XPNPEP1: variants seen among roughly 807,000 people sequenced by gnomAD.
XPNPEP1 encodes X-prolyl aminopeptidase 1.
In XPNPEP1, 39 loss-of-function variants were observed where a neutral mutation model predicts 92.4. The ratio of observed to expected loss-of-function variants is 0.42; its 90% CI spans 0.33 to 0.55. XPNPEP1 has a LOEUF of 0.55. Among genes scored for constraint, XPNPEP1 ranks in the 20% least tolerant of loss-of-function variants. XPNPEP1 has a pLI of 0.08. For synonymous variants in XPNPEP1, 307 were observed against 299.4 expected, an observed-to-expected ratio of 1.03 and a Z score of -0.26; for missense variants, 654 against 856.1, an observed-to-expected ratio of 0.76 and a Z score of 2.95.
chr10:109,913,413 T>A (rs1178233146), intron 2 of XPNPEP1, among the ~76,000 whole-genome samples: 1 of 152,256 alleles, frequency 6.6e-6, no homozygotes, highest in Non-Finnish European at 1.5e-5. Context: ...GGGGCCAGTT[T>A]ACTCCAATTT....
intron 4 of XPNPEP1, 71 bp from the exon 5 acceptor site, chr10:109,891,897 C>G: frequency 6.7e-7 from 1 of 1,497,736 alleles, no homozygotes; most frequent in East Asian, 2.3e-5. Context: ...CACAAAATGA[C>G]AGTAGACAGG....
intron 15 of XPNPEP1, among the ~76,000 whole-genome samples, chr10:109,874,716 G>A (rs1020975531): frequency 5.9e-5 from 9 of 152,206 alleles, no homozygotes; most frequent in African/African-American, 9.6e-5. Context: ...TTGGGAGGCC[G>A]AGACCGGCGG....
At chr10:109,865,415 G>A (rs1847082911) in intron 20 of XPNPEP1, 103 bp from the exon 21 acceptor site, 2 of 1,479,720 alleles carry the variant, frequency 1.4e-6, no homozygotes, top group African/African-American at 2.8e-5. Context: ...ATCACAAGCT[G>A]AGAGAAAAGG....
intron 5 of XPNPEP1, among the ~76,000 whole-genome samples, chr10:109,889,925 T>A (rs1404222609): frequency 6.6e-6 from 1 of 151,994 alleles, no homozygotes; most frequent in Non-Finnish European, 1.5e-5. Context: ...TTCTTTCCTA[T>A]TTTTTTTCAA....
Position 109,920,463 on chromosome 10 carries a change from C to T in XPNPEP1, c.32+2939G>A, listed in dbSNP as rs117954146. The stretch of plus-strand genomic sequence containing the variant: ...CAGATTCTCACCGAATTTCCCATTA[C>T]TTCATACGTAAGTTTCTAAGATGGT... On this transcript the variant is annotated intron_variant, in intron 1 of 20. Transcript: ENST00000502935. Among the ~76,000 whole-genome samples the T allele has an allele frequency of 2.6e-4, 40 of 152,328 alleles. No individual in the cohort carries two copies. In the East Asian group the frequency reaches 7.7e-3, roughly 29 times the overall value.
chr10:109,883,366 T>C (rs1192662021), intron 9 of XPNPEP1, among the ~76,000 whole-genome samples: 3 of 152,046 alleles, frequency 2.0e-5, no homozygotes, highest in Non-Finnish European at 4.4e-5. Flanking sequence ...TACTCTCTGC[T>C]TCAAAATATT....
At chr10:109,919,828 T>TA (rs1267710507) in intron 1 of XPNPEP1, among the ~76,000 whole-genome samples, 1 of 152,124 alleles carries the variant, frequency 6.6e-6, no homozygotes, top group East Asian at 1.9e-4. Context: ...GGTCAAGAGA[T>TA]AGAGACCATC....
At chr10:109,902,958 T>C (rs1228788217) in intron 3 of XPNPEP1, among the ~76,000 whole-genome samples, 1 of 152,188 alleles carries the variant, frequency 6.6e-6, no homozygotes, top group African/African-American at 2.4e-5. Flanking sequence ...GCTTCGGGTG[T>C]AATAGGCCAC....
intron 5 of XPNPEP1, among the ~76,000 whole-genome samples, chr10:109,889,070 G>A (rs1848563493): frequency 6.6e-6 from 1 of 152,216 alleles, no homozygotes; most frequent in Non-Finnish European, 1.5e-5. Flanking sequence ...ATCTGCAAGG[G>A]CAGGGTGGCC....
intron 3 of XPNPEP1, 87 bp from the exon 4 acceptor site, chr10:109,893,162 G>T: frequency 7.6e-7 from 1 of 1,308,958 alleles, no homozygotes; most frequent in East Asian, 2.4e-5. Context: ...AGGCTCAGCG[G>T]GGACTATGAA....
chr10:109,877,717 A>G, intron 14 of XPNPEP1, 73 bp downstream of exon 14: 1 of 1,580,960 alleles, frequency 6.3e-7, no homozygotes, highest in Non-Finnish European at 8.7e-7. Context: ...CTGGTAAAAT[A>G]ATGTCTCTCC....
chr10:109,913,089 A>AT (rs1849969969), intron 2 of XPNPEP1, among the ~76,000 whole-genome samples: 1 of 152,266 alleles, frequency 6.6e-6, no homozygotes, highest in Non-Finnish European at 1.5e-5. Context: ...ACGATGAAAC[A>AT]TTAGCCCATA....
chr10:109,921,142 T>A (rs1447031933), intron 1 of XPNPEP1, among the ~76,000 whole-genome samples: 1 of 152,188 alleles, frequency 6.6e-6, no homozygotes, highest in African/African-American at 2.4e-5. Context: ...AAGTTCTCTG[T>A]CAAAGCACAA....
chr10:109,920,540 G>A (rs1488605621), intron 1 of XPNPEP1, among the ~76,000 whole-genome samples: 2 of 152,042 alleles, frequency 1.3e-5, no homozygotes, highest in East Asian at 3.9e-4. Flanking sequence ...GAGGTGGAAG[G>A]TTATCATTTT....
chr10:109,883,397 C>T (rs1396366522), intron 9 of XPNPEP1, among the ~76,000 whole-genome samples: 1 of 152,116 alleles, frequency 6.6e-6, no homozygotes, highest in South Asian at 2.1e-4. Context: ...AGAGTCTGCT[C>T]TGATCTCCAA....
intron 5 of XPNPEP1, among the ~76,000 whole-genome samples, chr10:109,890,581 TGTGTGTGTGTGTGAGAGAGA>T (rs1365390473): frequency 1.2e-4 from 11 of 91,220 alleles, no homozygotes; most frequent in Admixed American, 4.1e-4. Context: ...TGTGTGTGTG[TGTGTGTGTGTGTGAGAGAGA>T]GAGAGAGAGA....
intron 15 of XPNPEP1, chr10:109,873,650 A>G (rs1309625442): frequency 3.7e-6 from 2 of 544,212 alleles, no homozygotes; most frequent in African/African-American, 3.8e-5. Context: ...GAGAACTGAA[A>G]ACATACATCC....
chr10:109,890,770 C>A (rs948769032), intron 5 of XPNPEP1, among the ~76,000 whole-genome samples: 2 of 152,158 alleles, frequency 1.3e-5, no homozygotes, highest in Non-Finnish European at 2.9e-5. Context: ...ACAAAGAACA[C>A]ATGTGTGTGT....
At chr10:109,869,578 A>T (rs1196929093) in intron 19 of XPNPEP1, among the ~76,000 whole-genome samples, 1 of 152,170 alleles carries the variant, frequency 6.6e-6, no homozygotes, top group Non-Finnish European at 1.5e-5. Context: ...TAGCGCCTTG[A>T]ATAGGCACCC....
Sources: allele counts gnomAD v4.1 joint callset (sites outside exome capture counted in the v4.1 genomes callset), GRCh38; gene constraint gnomAD v4.1.1; transcripts MANE v1.5; gene names NCBI Gene and HGNC (gene_info 2026-07-23, HGNC 2026-07-21).